Variants in TENM3 observed in about 807,000 individuals in gnomAD.
TENM3 encodes teneurin transmembrane protein 3.
In TENM3, 63 loss-of-function variants were observed where a neutral mutation model predicts 255.1. That is an observed-to-expected ratio of 0.25 (90% confidence interval 0.20 to 0.30). TENM3 has a LOEUF of 0.30. Ranked by LOEUF, TENM3 falls within the 10% of genes least tolerant of loss-of-function variation. The pLI, the probability that TENM3 is intolerant of heterozygous loss-of-function variation, is 1.00. For synonymous variants in TENM3, 1,306 were observed against 1,322.3 expected (o/e 0.99, Z 0.27); for missense variants, 2,929 against 3,461.1 (o/e 0.85, Z 3.86).
the TENM3 span, among the ~76,000 whole-genome samples, chr4:181,830,979 T>C: frequency 3.3e-5 from 5 of 152,212 alleles, no homozygotes; most frequent in Non-Finnish European, 7.3e-5. Flanking sequence ...AGCATTTCAA[T>C]TAGACACCGG....
At chr4:181,639,899 C>T in the TENM3 span, among the ~76,000 whole-genome samples, 3 of 152,168 alleles carry the variant, frequency 2.0e-5, no homozygotes, top group African/African-American at 7.2e-5. Flanking sequence ...ACAGCCCCTG[C>T]GTGTGTGGGC....
the TENM3 span, among the ~76,000 whole-genome samples, chr4:181,857,558 AAAAAAAAAAAAAAAAAAC>A: frequency 2.0e-5 from 2 of 100,672 alleles, no homozygotes; most frequent in African/African-American, 9.9e-5. Flanking sequence ...CTACAAAAAA[AAAAAAAAAAAAAAAAAAC>A]AAAACAAAAC....
intron 3 of TENM3, among the ~76,000 whole-genome samples, chr4:182,475,286 A>T (rs4579164): frequency 0.94 from 142,505 of 152,250 alleles, 66,833 homozygotes; most frequent in East Asian, 1. Context: ...GTTATTTTTT[A>T]AAAAATTATT....
At chr4:181,889,571 T>C in the TENM3 span, among the ~76,000 whole-genome samples, 1 of 152,198 alleles carries the variant, frequency 6.6e-6, no homozygotes, top group Non-Finnish European at 1.5e-5. Context: ...ATGATCGTGG[T>C]AGTCGTGGTA....
the TENM3 span, among the ~76,000 whole-genome samples, chr4:181,706,346 G>A: frequency 1.3e-5 from 2 of 152,110 alleles, no homozygotes; most frequent in African/African-American, 2.4e-5. Flanking sequence ...GGGGCGGTGG[G>A]TGCTAGGGCT....
At chr4:181,886,180 G>C in the TENM3 span, among the ~76,000 whole-genome samples, 3 of 151,510 alleles carry the variant, frequency 2.0e-5, no homozygotes, top group African/African-American at 7.3e-5. Context: ...AGCCTCCTGA[G>C]TAGCTGGGAC....
At chr4:182,334,893 G>T (rs1272655042) in intron 2 of TENM3, among the ~76,000 whole-genome samples, 1 of 152,174 alleles carries the variant, frequency 6.6e-6, no homozygotes, top group Non-Finnish European at 1.5e-5. Flanking sequence ...GTAGCAGAAA[G>T]CTTCAGCTTA....
At chr4:182,340,374 T>C (rs1398544913) in intron 2 of TENM3, among the ~76,000 whole-genome samples, 1 of 152,164 alleles carries the variant, frequency 6.6e-6, no homozygotes, top group Non-Finnish European at 1.5e-5. Context: ...ATTTTCAGCG[T>C]CCTCTGGAAA....
chr4:182,312,118 T>C (rs1473463437), intron 1 of TENM3, among the ~76,000 whole-genome samples: 1 of 152,232 alleles, frequency 6.6e-6, no homozygotes, highest in Non-Finnish European at 1.5e-5. Context: ...TCTCTATAAC[T>C]GGCAATAACA....
At chr4:182,390,286 T>G (rs1427838298) in intron 3 of TENM3, among the ~76,000 whole-genome samples, 1 of 152,180 alleles carries the variant, frequency 6.6e-6, no homozygotes, top group Non-Finnish European at 1.5e-5. Context: ...GCTTAATAAT[T>G]TATTAACTGC....
the TENM3 span, among the ~76,000 whole-genome samples, chr4:181,960,798 A>G: frequency 6.6e-6 from 1 of 152,222 alleles, no homozygotes; most frequent in South Asian, 2.1e-4. Flanking sequence ...ATGTACTTTT[A>G]AGCTTACTTG....
the TENM3 span, among the ~76,000 whole-genome samples, chr4:181,922,382 T>G: frequency 6.6e-6 from 1 of 152,238 alleles, no homozygotes; most frequent in Non-Finnish European, 1.5e-5. Context: ...TTTTGGTTGC[T>G]AAGCTATTGA....
chr4:182,482,466 C>A (rs1734293049), intron 3 of TENM3, among the ~76,000 whole-genome samples: 1 of 152,050 alleles, frequency 6.6e-6, no homozygotes, highest in Non-Finnish European at 1.5e-5. Flanking sequence ...AAAAATTACC[C>A]TTCAGTGTAA....
At chr4:182,410,958 C>A (rs1452132332) in intron 3 of TENM3, among the ~76,000 whole-genome samples, 1 of 152,124 alleles carries the variant, frequency 6.6e-6, no homozygotes, top group Non-Finnish European at 1.5e-5. Context: ...ATGAAACGAG[C>A]ATATATCATC....
chr4:181,547,006 A>G, the TENM3 span, among the ~76,000 whole-genome samples: 3 of 152,168 alleles, frequency 2.0e-5, no homozygotes, highest in East Asian at 5.8e-4. Flanking sequence ...ATCTGCCAGT[A>G]AGCCCTGCCC....
intron 12 of TENM3, among the ~76,000 whole-genome samples, chr4:182,695,691 A>G (rs1360218654): frequency 6.6e-6 from 1 of 152,186 alleles, no homozygotes; most frequent in African/African-American, 2.4e-5. Flanking sequence ...ACCAGAAGCA[A>G]GTAGGTATTG....
intron 3 of TENM3, among the ~76,000 whole-genome samples, chr4:182,367,528 A>G (rs1208271003): frequency 6.6e-6 from 1 of 152,180 alleles, no homozygotes; most frequent in Non-Finnish European, 1.5e-5. Context: ...TGAATAGAGT[A>G]GAAGGAACAA....
In TENM3 at chr4:182,679,788, C is replaced by T; in HGVS notation, c.1449C>T (p.Ile483=). The T allele has an allele frequency of 6.2e-7, 1 of 1,613,884 alleles. No individual in the cohort carries two copies. ...TCAGCCTTCATGAGGCCGGCTTTAT[C>T]CAGTACTTGGATTCTGGAATCTGGC... ...RSVSLHEAGF[I]QYLDSGIWHL... Residue 483 remains isoleucine, a synonymous_variant, in exon 8 of 28, where the codon ATC becomes ATT. Coordinates refer to ENST00000511685, the MANE Select transcript of TENM3 (RefSeq NM_001080477.4).
the TENM3 span, among the ~76,000 whole-genome samples, chr4:181,857,228 A>G: frequency 6.6e-6 from 1 of 152,014 alleles, no homozygotes; most frequent in African/African-American, 2.4e-5. Context: ...TTGAAGAGAA[A>G]TGTTTGAGAA....
Sources: allele counts gnomAD v4.1 joint callset (sites outside exome capture counted in the v4.1 genomes callset), GRCh38; gene constraint gnomAD v4.1.1; transcripts MANE v1.5; gene names NCBI Gene and HGNC (gene_info 2026-07-23, HGNC 2026-07-21).